ROBO2: variants seen among roughly 807,000 people sequenced by gnomAD.
The protein encoded by ROBO2 is roundabout guidance receptor 2.
Under a neutral mutation model 160.8 loss-of-function variants are expected in ROBO2, and 53 were observed. That is an observed-to-expected ratio of 0.33 (90% CI 0.26 to 0.41). The LOEUF (loss-of-function observed/expected upper bound fraction) is 0.41, where lower values mean the gene tolerates loss of function less well. Among genes scored for constraint, ROBO2 ranks in the 10% least tolerant of loss-of-function variants. ROBO2 has a pLI of 1.00. For synonymous variants in ROBO2, 664 were observed against 611.7 expected (o/e 1.09, Z -1.26); for missense variants, 1,577 against 1,722.4 (o/e 0.92, Z 1.49).
At chr3:76,944,941 T>A (rs1029409808) in intron 2 of ROBO2, among the ~76,000 whole-genome samples, 2 of 151,230 alleles carry the variant, frequency 1.3e-5, no homozygotes, top group Non-Finnish European at 2.9e-5. Context: ...CAGGCTGGAG[T>A]TCAGTGGCGC....
chr3:75,911,723 A>G (rs1472790704), intron 1 of ROBO2, among the ~76,000 whole-genome samples: 3 of 151,320 alleles, frequency 2.0e-5, no homozygotes, highest in African/African-American at 7.3e-5. Context: ...ATGCCCGGCT[A>G]ATTTTTGTAT....
chr3:77,414,940 A>G (rs922739638), intron 2 of ROBO2, among the ~76,000 whole-genome samples: 1 of 152,188 alleles, frequency 6.6e-6, no homozygotes, highest in Non-Finnish European at 1.5e-5. Context: ...GCAATGAAGT[A>G]TTGAGTGCTC....
intron 2 of ROBO2, among the ~76,000 whole-genome samples, chr3:77,216,501 A>G (rs1263090712): frequency 6.6e-6 from 1 of 152,134 alleles, no homozygotes; most frequent in Non-Finnish European, 1.5e-5. Flanking sequence ...AGGAAAGGGA[A>G]CTCCCTGACC....
intron 2 of ROBO2, among the ~76,000 whole-genome samples, chr3:76,907,609 T>C (rs945304028): frequency 2.0e-5 from 3 of 152,168 alleles, no homozygotes; most frequent in Non-Finnish European, 4.4e-5. Context: ...ACTTCTTCCT[T>C]TCTGTAAGAT....
At chr3:76,819,280 G>A (rs1230922385) in intron 2 of ROBO2, among the ~76,000 whole-genome samples, 1 of 152,112 alleles carries the variant, frequency 6.6e-6, no homozygotes, top group Non-Finnish European at 1.5e-5. Flanking sequence ...AGAAGAGTTA[G>A]CAAAGGGAAG....
chr3:76,771,550 A>G (rs2061906637), intron 2 of ROBO2, among the ~76,000 whole-genome samples: 1 of 151,062 alleles, frequency 6.6e-6, no homozygotes, highest in Non-Finnish European at 1.5e-5. Context: ...GACCTGAAAA[A>G]CCTGAAAAGA....
At chr3:76,031,041 G>A (rs11128500) in intron 2 of ROBO2, among the ~76,000 whole-genome samples, 16,254 of 151,926 alleles carry the variant, frequency 0.11, 1,146 homozygotes, top group Non-Finnish European at 0.15. Flanking sequence ...CTTTTATTTC[G>A]TTGAGCAGTG....
chr3:76,102,929 G>A (rs541198546), intron 2 of ROBO2, among the ~76,000 whole-genome samples: 5 of 151,748 alleles, frequency 3.3e-5, no homozygotes, highest in South Asian at 4.2e-4. Flanking sequence ...GGTTCACGCC[G>A]TTCTCCTGCC....
chr3:76,978,326 C>G (rs2059909609), intron 2 of ROBO2, among the ~76,000 whole-genome samples: 1 of 152,076 alleles, frequency 6.6e-6, no homozygotes, highest in Non-Finnish European at 1.5e-5. Flanking sequence ...CCTCACAATG[C>G]AAATATTTAT....
chr3:75,949,337 A>T (rs1948447754), intron 2 of ROBO2, among the ~76,000 whole-genome samples: 1 of 151,924 alleles, frequency 6.6e-6, no homozygotes, highest in African/African-American at 2.4e-5. Context: ...AATAATTACT[A>T]TTCTTCTTGG....
chr3:77,098,069 T>C (rs775609184), exon 2 of ROBO2: 1 of 1,599,282 alleles, frequency 6.3e-7, no homozygotes, highest in Non-Finnish European at 8.6e-7. Context: ...ATCCTTCCGA[T>C]GTCATCGTCT....
At position 77,564,937 on chromosome 3, in the gene ROBO2, T is replaced by A. The variant is rs17015351; in HGVS notation, c.1683-17T>A. ...CAAATGACTGTTCTTTAAATGAAAT[T>A]TCTGTTCGCGTTTCAGCCAATCAGT... On this transcript the variant is annotated splice_polypyrimidine_tract_variant and intron_variant, in intron 11 of 25. Coordinates refer to ENST00000461745, the Ensembl canonical transcript of ROBO2. 2 of 1,611,946 alleles carry A rather than the reference T, an allele frequency of 1.2e-6. No homozygotes were observed. The highest frequency in any genetic ancestry group is 4.5e-5 in the East Asian group (2 of 44,674).
At chr3:76,169,696 A>G (rs1489108607) in intron 2 of ROBO2, among the ~76,000 whole-genome samples, 1 of 152,168 alleles carries the variant, frequency 6.6e-6, no homozygotes, top group Non-Finnish European at 1.5e-5. Context: ...TTATTGATGT[A>G]CAGTGGATTT....
At chr3:76,948,279 T>A (rs2078695447) in intron 2 of ROBO2, among the ~76,000 whole-genome samples, 1 of 152,196 alleles carries the variant, frequency 6.6e-6, no homozygotes, top group Admixed American at 6.5e-5. Context: ...AATTTGTTTT[T>A]AGTTTTCTTA....
chr3:77,058,048 G>T (rs557613641), intron 1 of ROBO2, among the ~76,000 whole-genome samples: 1 of 152,042 alleles, frequency 6.6e-6, no homozygotes, highest in Non-Finnish European at 1.5e-5. Flanking sequence ...TATTTGGGGT[G>T]TATGTGTTGT....
intron 2 of ROBO2, among the ~76,000 whole-genome samples, chr3:77,364,399 T>A (rs1042820867): frequency 6.6e-6 from 1 of 152,118 alleles, no homozygotes; most frequent in Admixed American, 6.6e-5. Context: ...AGTGATCATA[T>A]ATAGCTAAAA....
At chr3:76,924,741 C>T (rs2076873196) in intron 2 of ROBO2, among the ~76,000 whole-genome samples, 1 of 152,136 alleles carries the variant, frequency 6.6e-6, no homozygotes, top group African/African-American at 2.4e-5. Context: ...ACTAAGAATG[C>T]CATAAATTGG....
intron 1 of ROBO2, among the ~76,000 whole-genome samples, chr3:77,090,415 G>A (rs563068408): frequency 1.6e-4 from 20 of 128,734 alleles, no homozygotes; most frequent in Non-Finnish European, 2.3e-4. Context: ...GTGCAGTGGC[G>A]CGATCTCGGC....
intron 2 of ROBO2, among the ~76,000 whole-genome samples, chr3:76,554,481 T>G (rs925955493): frequency 6.6e-6 from 1 of 152,228 alleles, no homozygotes; most frequent in Admixed American, 6.5e-5. Flanking sequence ...TCCTAACATA[T>G]GCTTTTGCTT....
Sources: allele counts gnomAD v4.1 joint callset (sites outside exome capture counted in the v4.1 genomes callset), GRCh38; gene constraint gnomAD v4.1.1; transcripts MANE v1.5; gene names NCBI Gene and HGNC (gene_info 2026-07-23, HGNC 2026-07-21).